BTN2A1: variants seen among roughly 807,000 people sequenced by gnomAD.
BTN2A1 encodes butyrophilin, subfamily 2, member A1.
In BTN2A1, 41 loss-of-function variants were observed where a neutral mutation model predicts 34.5. That is an observed-to-expected ratio of 1.19 (90% CI 0.93 to 1.54). BTN2A1 has a LOEUF of 1.54. Ranked by LOEUF, BTN2A1 falls within the 40% of genes most tolerant of loss-of-function variation. The pLI is 0.00. For synonymous variants in BTN2A1, 267 were observed against 258.6 expected, an observed-to-expected ratio of 1.03 and a Z score of -0.31; for missense variants, 642 against 662.0, an observed-to-expected ratio of 0.97 and a Z score of 0.33.
At chr6:26,464,728 T>C (rs1194400149) in intron 4 of BTN2A1, among the ~76,000 whole-genome samples, 1 of 152,144 alleles carries the variant, frequency 6.6e-6, no homozygotes, top group Non-Finnish European at 1.5e-5. Context: ...AACATGGCAT[T>C]GTAAGCCACA....
chr6:26,462,366 C>T (rs1763188256), intron 3 of BTN2A1, among the ~76,000 whole-genome samples: 1 of 151,780 alleles, frequency 6.6e-6, no homozygotes, highest in Admixed American at 6.6e-5. Flanking sequence ...TCTCCAAGTA[C>T]TATAAGAAAA....
chr6:26,462,354 G>A (rs1045063843), intron 3 of BTN2A1, among the ~76,000 whole-genome samples: 2 of 151,960 alleles, frequency 1.3e-5, no homozygotes, highest in African/African-American at 4.8e-5. Flanking sequence ...ATAAGTTGAT[G>A]TTCTCCAAGT....
chr6:26,462,029 AT>A (rs1554136471), intron 3 of BTN2A1, among the ~76,000 whole-genome samples: 1 of 150,778 alleles, frequency 6.6e-6, no homozygotes, highest in Non-Finnish European at 1.5e-5. Flanking sequence ...AAAAAAAAAA[AT>A]TTTTTTTTAT....
In BTN2A1 at chr6:26,469,125, T is replaced by G. The variant is rs1763404164; in HGVS notation, c.*576T>G. 9.1e-7 allele frequency: 1 copy of G among 1,095,892 alleles called. No individual in the cohort carries two copies. Among genetic ancestry groups the G allele is most frequent in the South Asian group, 2.5e-5 (1 of 39,548 alleles). The allele number at this position is 1,095,892 out of a possible 1,614,324, so 67.9% of individuals were successfully genotyped here. A position where few individuals can be genotyped will look rare whatever the true frequency, so the allele number is the denominator to read the frequency against. On this transcript the variant is annotated 3_prime_UTR_variant, in exon 8 of 8. Transcript: ENST00000312541. ...GGCTCATTTCCACCCAGCCCCAGGA[T>G]TTCCAGAGCGCACATCCACAGGCCT...
In BTN2A1 at chr6:26,466,006, ATTTGAGT is replaced by A. The variant is rs1763303886; in HGVS notation, c.955+35_955+41del. 3 of 1,614,080 alleles carry A rather than the reference ATTTGAGT, an allele frequency of 1.9e-6. No individual in the cohort carries two copies. The Admixed American group carries it at 5.0e-5, about 27-fold the overall frequency. ...TAGCCTTTCCTTAACTACATGTACA[ATTTGAGT>A]TCTGCTCAGCAACATCTCATGACAT... On this transcript the variant is annotated intron_variant, in intron 6 of 7. Transcript: ENST00000312541.
At chr6:26,463,213 CTTT>C in intron 3 of BTN2A1, 28 bp from the exon 4 acceptor site, 1 of 1,541,916 alleles carries the variant, frequency 6.5e-7, no homozygotes, top group Non-Finnish European at 8.7e-7. Flanking sequence ...AAGGCACTGA[CTTT>C]TGCCTGAACC....
chr6:26,464,362 A>G (rs1763252628), intron 4 of BTN2A1, among the ~76,000 whole-genome samples: 1 of 152,214 alleles, frequency 6.6e-6, no homozygotes, highest in African/African-American at 2.4e-5. Flanking sequence ...TCTTCCCTCA[A>G]AAAGTGATTA....
chr6:26,473,720 TTA>T (rs1763488777), downstream of BTN2A1, among the ~76,000 whole-genome samples: 1 of 152,232 alleles, frequency 6.6e-6, no homozygotes, highest in East Asian at 1.9e-4. Flanking sequence ...GATATTTCTG[TTA>T]TGATATAAAA....
At chr6:26,470,889 C>T (rs1381963090), downstream of BTN2A1, among the ~76,000 whole-genome samples, 1 of 152,134 alleles carries the variant, frequency 6.6e-6, no homozygotes, top group African/African-American at 2.4e-5. Flanking sequence ...TTGCAGATGG[C>T]CCGTCATGGG....
chr6:26,476,031 AT>A (rs570137134), intron 7 of BTN2A1: 1,449 of 1,023,202 alleles, frequency 1.4e-3, no homozygotes, highest in Non-Finnish European at 1.8e-3. Flanking sequence ...TAGTTGAAAG[AT>A]TTTTTTTTAG....
Position 26,463,464 on chromosome 6 carries a change from G to A in BTN2A1, c.651G>A (p.Met217Ile), listed in dbSNP as rs138727076. Residue 217 changes from methionine to isoleucine, a missense_variant, in exon 4 of 8, where the codon ATG becomes ATA. Met to Ile is a conservative substitution (Grantham distance 10, BLOSUM62 1). Coordinates refer to ENST00000312541, the MANE Select transcript of BTN2A1 (RefSeq NM_007049.5). ...TCAGAGACAAGTCTGTGAGGAACAT[G>A]TCCTGCTCTATCAACAACACCCTGC... The part of the protein sequence containing the change: ...VIIRDKSVRN[M>I]SCSINNTLLG... 50 of 1,614,162 alleles carry A rather than the reference G, an allele frequency of 3.1e-5. No individual in the cohort carries two copies. In the Middle Eastern group the frequency reaches 8.2e-4, roughly 27 times the overall value.
At chr6:26,459,397 T>C in intron 2 of BTN2A1, 84 bp from the exon 3 acceptor site, 1 of 1,459,470 alleles carries the variant, frequency 6.9e-7, no homozygotes, top group South Asian at 1.3e-5. Flanking sequence ...AAAATAAGTT[T>C]GTCCCTAGAA....
At chr6:26,458,469 A>G in intron 1 of BTN2A1, 138 bp from the exon 2 acceptor site, 1 of 692,808 alleles carries the variant, frequency 1.4e-6, no homozygotes, top group Non-Finnish European at 2.6e-6. Flanking sequence ...CTCTCTCGGG[A>G]CATACCTGAG....
At chr6:26,462,712 C>A in intron 3 of BTN2A1, 2 of 931,042 alleles carry the variant, frequency 2.1e-6, no homozygotes, top group Non-Finnish European at 3.0e-6. Context: ...CTGAACTAGA[C>A]AGAAGGGTCA....
chr6:26,472,025 A>G (rs899500204), downstream of BTN2A1, among the ~76,000 whole-genome samples: 1 of 152,222 alleles, frequency 6.6e-6, no homozygotes, highest in African/African-American at 2.4e-5. Flanking sequence ...ACTTCTTTTC[A>G]TGTCAATAAA....
chr6:26,476,407 G>A, exon 8 of BTN2A1: 1 of 712,060 alleles, frequency 1.4e-6, no homozygotes. Context: ...GGCTTGCCCA[G>A]ATGTCTGCTC....
chr6:26,471,317 G>A (rs1055573693), downstream of BTN2A1, among the ~76,000 whole-genome samples: 1 of 152,180 alleles, frequency 6.6e-6, no homozygotes, highest in African/African-American at 2.4e-5. Context: ...GGAAATGTAA[G>A]ACCAAGGCAC....
Position 26,469,014 on chromosome 6 carries a change from G to A in BTN2A1, c.*465G>A. 1 of 1,182,518 alleles carries A rather than the reference G, an allele frequency of 8.5e-7. No homozygotes were observed. The highest frequency in any genetic ancestry group is 1.1e-6 in the Non-Finnish European group (1 of 939,758). The allele number at this position is 1,182,518 out of a possible 1,614,324, so 73.3% of individuals were successfully genotyped here. A position where few individuals can be genotyped will look rare whatever the true frequency, so the allele number is the denominator to read the frequency against. Reference sequence around the variant, plus strand: ...CCAGATATGCAGATCAGAGATAGAGGAAGTGGAACCAGAGAGCTGGGAGGG... The same window carrying A: ...CCAGATATGCAGATCAGAGATAGAGAAAGTGGAACCAGAGAGCTGGGAGGG... On this transcript the variant is annotated 3_prime_UTR_variant, in exon 8 of 8. Coordinates refer to ENST00000312541, the MANE Select transcript of BTN2A1 (RefSeq NM_007049.5).
In BTN2A1 at chr6:26,458,606, G is replaced by T; in HGVS notation, c.-30-1G>T. 6.2e-7 allele frequency: 1 copy of T among 1,612,792 alleles called. No homozygotes were observed. Among genetic ancestry groups the T allele is most frequent in the Non-Finnish European group, 8.5e-7 (1 of 1,178,882 alleles). On this transcript the variant is annotated splice_acceptor_variant, in intron 1 of 7. Coordinates refer to ENST00000312541, the MANE Select transcript of BTN2A1 (RefSeq NM_007049.5). LOFTEE classifies it low-confidence loss of function (5UTR_SPLICE). ...AGGCTGATTCTCCTCTGTAACCCTA[G>T]GCCTCCTGTCCCTGCCTGCTCTGGG... is the stretch of plus-strand genomic sequence containing the variant.
Sources: allele counts gnomAD v4.1 joint callset (sites outside exome capture counted in the v4.1 genomes callset), GRCh38; gene constraint gnomAD v4.1.1; transcripts MANE v1.5; gene names NCBI Gene and HGNC (gene_info 2026-07-23, HGNC 2026-07-21).